PPM1H: variants seen among roughly 807,000 people sequenced by gnomAD.
PPM1H encodes protein phosphatase, Mg2+/Mn2+ dependent 1H, also known as protein phosphatase 1H.
PPM1H carries 27 observed loss-of-function variants against 54.9 expected under a neutral mutation model. The ratio of observed to expected loss-of-function variants is 0.49; its 90% CI spans 0.36 to 0.68. The LOEUF is 0.68. PPM1H is among the 30% of genes least tolerant of loss of function. The probability of loss-of-function intolerance (pLI) is 0.00; values close to 1 mark genes in which losing one functional copy is unlikely to be tolerated. For missense variants in PPM1H, 596 were observed against 667.8 expected (o/e 0.89, Z 1.19); for synonymous variants, 305 against 270.8 (o/e 1.13, Z -1.24).
chr12:62,753,834 C>T (rs2076455273), intron 4 of PPM1H, among the ~76,000 whole-genome samples: 1 of 152,220 alleles, frequency 6.6e-6, no homozygotes, highest in East Asian at 1.9e-4. Flanking sequence ...CGGGCTCCCA[C>T]TAACCTCATT....
chr12:62,755,563 CG>C, intron 4 of PPM1H: 1 of 659,710 alleles, frequency 1.5e-6, no homozygotes, highest in Non-Finnish European at 2.7e-6. Flanking sequence ...TCACTTGCAG[CG>C]GGGAGCCAAA....
intron 4 of PPM1H, among the ~76,000 whole-genome samples, chr12:62,784,241 C>T (rs929495814): frequency 2.0e-5 from 3 of 152,150 alleles, no homozygotes; most frequent in Admixed American, 6.5e-5. Context: ...ATCAGGTACT[C>T]GCGTCACTGT....
At chr12:62,924,958 G>A (rs1436005694) in intron 1 of PPM1H, among the ~76,000 whole-genome samples, 4 of 152,076 alleles carry the variant, frequency 2.6e-5, no homozygotes, top group African/African-American at 4.8e-5. Flanking sequence ...CACAGGAATC[G>A]CTTGAACCCA....
intron 1 of PPM1H, among the ~76,000 whole-genome samples, chr12:62,916,368 C>T (rs1182242395): frequency 1.3e-5 from 2 of 152,106 alleles, no homozygotes; most frequent in Non-Finnish European, 2.9e-5. Flanking sequence ...AATAACATAA[C>T]ACAATCTAAA....
chr12:62,894,271 C>T (rs905233524), intron 1 of PPM1H, among the ~76,000 whole-genome samples: 1 of 152,120 alleles, frequency 6.6e-6, no homozygotes, highest in Non-Finnish European at 1.5e-5. Context: ...AGCTCCCAGG[C>T]ATGGAACCAA....
intron 1 of PPM1H, among the ~76,000 whole-genome samples, chr12:62,917,336 G>A (rs955862276): frequency 1.3e-5 from 2 of 152,168 alleles, no homozygotes; most frequent in South Asian, 4.1e-4. Context: ...GACAACTTGG[G>A]GCTAAATGAA....
At position 62,667,405 on chromosome 12, in the gene PPM1H, C is replaced by T. The variant is rs1453508698; in HGVS notation, c.1246-76G>A. On this transcript the variant is annotated intron_variant, in intron 8 of 9. Coordinates refer to ENST00000228705, the MANE Select transcript of PPM1H (RefSeq NM_020700.2). ...CTCCCTAACAAACTGACTTCTGATT[C>T]CCCTTCCCTTTTCCTGCCCAGCCTA... is the stretch of plus-strand genomic sequence containing the variant. The T allele has an allele frequency of 1.1e-5, 14 of 1,295,678 alleles. No homozygotes were observed. The East Asian group carries it at 3.3e-4, about 30-fold the overall frequency. The allele number at this position is 1,295,678 out of a possible 1,614,324, so 80.3% of individuals were successfully genotyped here. A position where few individuals can be genotyped will look rare whatever the true frequency, so the allele number is the denominator to read the frequency against.
intron 1 of PPM1H, among the ~76,000 whole-genome samples, chr12:62,876,870 G>T (rs1870191594): frequency 6.6e-6 from 1 of 152,148 alleles, no homozygotes; most frequent in Admixed American, 6.5e-5. Flanking sequence ...AGTTGCCGAA[G>T]GTGTTGAATC....
chr12:62,700,496 C>G (rs2076138260), intron 6 of PPM1H, among the ~76,000 whole-genome samples: 1 of 152,204 alleles, frequency 6.6e-6, no homozygotes, highest in South Asian at 2.1e-4. Flanking sequence ...AGTAACACAA[C>G]AAGGATTGAG....
chr12:62,652,589 C>T (rs2075822322), intron 9 of PPM1H, among the ~76,000 whole-genome samples: 1 of 152,072 alleles, frequency 6.6e-6, no homozygotes, highest in African/African-American at 2.4e-5. Flanking sequence ...TGTTTTCTGT[C>T]AGGTGGATAG....
chr12:62,650,542 C>T (rs535713407), intron 9 of PPM1H, among the ~76,000 whole-genome samples: 1 of 152,146 alleles, frequency 6.6e-6, no homozygotes, highest in African/African-American at 2.4e-5. Context: ...TCAGAAAAGC[C>T]TCTCAGCTGC....
At chr12:62,718,121 A>G (rs1229042277) in intron 6 of PPM1H, among the ~76,000 whole-genome samples, 3 of 152,136 alleles carry the variant, frequency 2.0e-5, no homozygotes, top group African/African-American at 7.2e-5. Flanking sequence ...TTCAGCCAAT[A>G]CATAATTGCT....
At chr12:62,692,044 G>A (rs1396780130) in intron 7 of PPM1H, among the ~76,000 whole-genome samples, 4 of 152,144 alleles carry the variant, frequency 2.6e-5, no homozygotes, top group Non-Finnish European at 5.9e-5. Flanking sequence ...AAGTATCCAG[G>A]TGTTACCCAC....
At chr12:62,690,149 A>G (rs1372149235) in intron 7 of PPM1H, among the ~76,000 whole-genome samples, 1 of 152,086 alleles carries the variant, frequency 6.6e-6, no homozygotes, top group Non-Finnish European at 1.5e-5. Context: ...AAATCAGTTC[A>G]TATCAAACCC....
chr12:62,712,011 C>T (rs1261742337), intron 6 of PPM1H, among the ~76,000 whole-genome samples: 13 of 152,240 alleles, frequency 8.5e-5, no homozygotes, highest in Admixed American at 8.5e-4. Context: ...TTCTTCCCTG[C>T]TGCTCCTGCA....
intron 9 of PPM1H, chr12:62,659,269 CAA>C (rs11349692): frequency 0.058 from 5,276 of 91,504 alleles, 65 homozygotes; most frequent in Middle Eastern, 0.13. Context: ...GTAAAAACTG[CAA>C]AAAAAAAAAA....
intron 6 of PPM1H, among the ~76,000 whole-genome samples, chr12:62,709,808 C>T (rs1271922789): frequency 3.3e-5 from 5 of 152,068 alleles, no homozygotes; most frequent in Non-Finnish European, 7.4e-5. Context: ...TGGTGGCTCA[C>T]GACTGTAATC....
intron 1 of PPM1H, among the ~76,000 whole-genome samples, chr12:62,884,251 C>A (rs1340270572): frequency 6.6e-6 from 1 of 151,700 alleles, no homozygotes; most frequent in Non-Finnish European, 1.5e-5. Flanking sequence ...ACTTGAGAGG[C>A]TGAGGCAGAC....
intron 1 of PPM1H, among the ~76,000 whole-genome samples, chr12:62,842,293 C>T (rs1188489723): frequency 6.6e-6 from 1 of 152,098 alleles, no homozygotes; most frequent in African/African-American, 2.4e-5. Flanking sequence ...TATTTACCAG[C>T]TGTATCAGTA....
Sources: gnomAD v4.1 joint callset for allele counts (sites outside exome capture counted in the v4.1 genomes callset) on GRCh38, gnomAD v4.1.1 for gene constraint, MANE v1.5 for transcripts, NCBI Gene and HGNC (gene_info 2026-07-23, HGNC 2026-07-21) for gene names.